Variants in FAM237B observed in about 807,000 individuals in gnomAD.
FAM237B encodes protein FAM237B.
Position 90,318,372 on chromosome 7 carries a change from A to G in FAM237B, c.*957T>C, listed in dbSNP as rs28947770. ...GTCTTTGTTTATTGTTCCTTTTTCA[A>G]AACAAAGACAATAAAAATGAGAACA... On this transcript the variant is annotated 3_prime_UTR_variant, in exon 3 of 3. Transcript: ENST00000692316. 14 of 152,228 alleles carry G rather than the reference A, an allele frequency of 9.2e-5. No homozygotes were observed. In the East Asian group the frequency reaches 2.7e-3, roughly 29 times the overall value. 9.4% of individuals were successfully genotyped at this position (152,228 alleles called of 1,614,324 possible). A position where few individuals can be genotyped will look rare whatever the true frequency, so the allele number is the denominator to read the frequency against.
Position 90,317,911 on chromosome 7 carries a change from G to A in FAM237B, c.*1418C>T, listed in dbSNP as rs531190880. 3.9e-5 allele frequency: 6 copies of A among 152,274 alleles called. No individual in the cohort carries two copies. The South Asian group carries it at 1.2e-3, about 32-fold the overall frequency. 9.4% of individuals were successfully genotyped at this position (152,274 alleles called of 1,614,324 possible). The stretch of plus-strand genomic sequence containing the variant: ...CTTGAAACCAGTGTTGTAAACCATG[G>A]TAGCCACTGTGAAAACCTATGGGTG... On this transcript the variant is annotated 3_prime_UTR_variant, in exon 3 of 3. Coordinates refer to ENST00000692316, the MANE Select transcript of FAM237B (RefSeq NM_001384237.2).
chr7:90,317,927 C>T lies in FAM237B; in HGVS notation c.*1402G>A, dbSNP rs979176006. On this transcript the variant is annotated 3_prime_UTR_variant, in exon 3 of 3. Coordinates refer to ENST00000692316, the MANE Select transcript of FAM237B (RefSeq NM_001384237.2). ...TAAACCATGGTAGCCACTGTGAAAACCTATGGGTGAGATTTTCATTGATTC... is the reference window on the plus strand; with the variant it reads ...TAAACCATGGTAGCCACTGTGAAAATCTATGGGTGAGATTTTCATTGATTC... 6.6e-6 allele frequency: 1 copy of T among 152,132 alleles called. No individual in the cohort carries two copies. Among genetic ancestry groups the T allele is most frequent in the African/African-American group, 2.4e-5 (1 of 41,438 alleles). The allele number at this position is 152,132 out of a possible 1,614,324, so 9.4% of individuals were successfully genotyped here.
chr7:90,319,280 G>GA lies in FAM237B; in HGVS notation c.*48dup, dbSNP rs757581476. ...AATTTGCTACCTTGTTGGATAACTT[G>GA]AAAAAAATCAGAAGAATTAAATAGT... On this transcript the variant is annotated 3_prime_UTR_variant, in exon 3 of 3. Transcript: ENST00000692316. 7.5e-6 allele frequency: 3 copies of GA among 397,586 alleles called. No individual in the cohort carries two copies. Among genetic ancestry groups the GA allele is most frequent in the East Asian group, 3.6e-5 (1 of 28,010 alleles). The allele number at this position is 397,586 out of a possible 1,614,324, so 24.6% of individuals were successfully genotyped here.
chr7:90,319,635 T>A lies in FAM237B; in HGVS notation c.114A>T (p.Pro38=). The change falls in exon 3 of 3, where the codon CCA becomes CCT. Residue 38 remains proline, a synonymous_variant. Coordinates refer to ENST00000692316, the MANE Select transcript of FAM237B (RefSeq NM_001384237.2). ...FQKGVLASIS[P]GITKDIDLQC... is the part of the protein sequence containing the mutation. ...GGAGATCAATGTCTTTGGTGATTCC[T>A]GGGCTGATGCTGGCAAGCACTCCTT... 1 of 398,650 alleles carries A rather than the reference T, an allele frequency of 2.5e-6. No individual in the cohort carries two copies. Among genetic ancestry groups the A allele is most frequent in the Admixed American group, 4.4e-5 (1 of 22,736 alleles). The allele number at this position is 398,650 out of a possible 1,614,324, so 24.7% of individuals were successfully genotyped here.
At position 90,320,674 on chromosome 7, in the gene FAM237B, G is replaced by A. The variant is rs994070033; in HGVS notation, c.-4+7C>T. ...AGAGGAGAACAGATCCAGAACACAG[G>A]ACTCACCTTTCCCCCCGTACACAGC... is the stretch of plus-strand genomic sequence containing the variant. On this transcript the variant is annotated splice_region_variant and intron_variant, in intron 2 of 2. Coordinates refer to ENST00000692316, the MANE Select transcript of FAM237B (RefSeq NM_001384237.2). The A allele has an allele frequency of 1.3e-5, 2 of 152,236 alleles. No individual in the cohort carries two copies. Among genetic ancestry groups the A allele is most frequent in the Non-Finnish European group, 2.9e-5 (2 of 68,112 alleles). 9.4% of individuals were successfully genotyped at this position (152,236 alleles called of 1,614,324 possible).
chr7:90,320,796 G>A (rs938819090), intron 1 of FAM237B, 69 bp from the exon 2 acceptor site: 3 of 152,246 alleles, frequency 2.0e-5, no homozygotes, highest in African/African-American at 7.2e-5. Context: ...GTCGAAAATT[G>A]TGCAAATTCC....
chr7:90,320,131 C>G (rs1406708633), intron 2 of FAM237B, among the ~76,000 whole-genome samples: 18 of 152,180 alleles, frequency 1.2e-4, no homozygotes, highest in Admixed American at 1.2e-3. Context: ...TCCAAGACTC[C>G]TACCTACCAC....
intron 2 of FAM237B, among the ~76,000 whole-genome samples, chr7:90,320,144 C>T (rs773472300): frequency 3.3e-5 from 5 of 152,202 alleles, no homozygotes; most frequent in Non-Finnish European, 7.3e-5. Context: ...CCTACCACAA[C>T]ACATTTCAAC....
intron 2 of FAM237B, among the ~76,000 whole-genome samples, chr7:90,320,138 CCACAA>C (rs1562943611): frequency 6.6e-6 from 1 of 152,192 alleles, no homozygotes; most frequent in East Asian, 1.9e-4. Flanking sequence ...CTCCTACCTA[CCACAA>C]CACATTTCAA....
chr7:90,316,813 A>G lies in FAM237B; in HGVS notation c.*2516T>C, dbSNP rs1462085497. 3 of 152,198 alleles carry G rather than the reference A, an allele frequency of 2.0e-5. No homozygotes were observed. Among genetic ancestry groups the G allele is most frequent in the Admixed American group, 2.0e-4 (3 of 15,284 alleles). 9.4% of individuals were successfully genotyped at this position (152,198 alleles called of 1,614,324 possible). A position where few individuals can be genotyped will look rare whatever the true frequency, so the allele number is the denominator to read the frequency against. ...GAACTAGAAAACCATTTTGCCATTA[A>G]CTGGAAGACTAATTTTATTGATTTA... On this transcript the variant is annotated 3_prime_UTR_variant, in exon 3 of 3. Transcript: ENST00000692316.
rs1795110286 is a variant in FAM237B at position 90,319,423 on chromosome 7, G to A, written c.326C>T (p.Ser109Phe). The A allele has an allele frequency of 2.5e-6, 1 of 398,454 alleles. No homozygotes were observed. Among genetic ancestry groups the A allele is most frequent in the South Asian group, 1.3e-4 (1 of 7,862 alleles). 24.7% of individuals were successfully genotyped at this position (398,454 alleles called of 1,614,324 possible). A position where few individuals can be genotyped will look rare whatever the true frequency, so the allele number is the denominator to read the frequency against. Residue 109 changes from serine (S) to phenylalanine (F), a missense_variant, in exon 3 of 3, where the codon TCT (serine) becomes TTT (phenylalanine). By Grantham distance (155) the Ser-to-Phe change is radical. Coordinates refer to ENST00000692316, the MANE Select transcript of FAM237B (RefSeq NM_001384237.2). ...CACCTGTCTTCTGCCCATTCCATGAGATCTTGAAAGCAAGCAGTCTACATA... is the reference window on the plus strand; with the variant it reads ...CACCTGTCTTCTGCCCATTCCATGAAATCTTGAAAGCAAGCAGTCTACATA... ...DMYVDCLLSRSHGMGRRQVMP... is the reference protein window; with the variant it reads ...DMYVDCLLSRFHGMGRRQVMP...
Position 90,317,520 on chromosome 7 carries a change from T to TTTTTTTTTTTTTTTTTTTTGAGACGG in FAM237B, c.*1808_*1809insCCGTCTCAAAAAAAAAAAAAAAAAAA, listed in dbSNP as rs1554390233. On this transcript the variant is annotated 3_prime_UTR_variant, in exon 3 of 3. Coordinates refer to ENST00000692316, the MANE Select transcript of FAM237B (RefSeq NM_001384237.2). ...AATTATTAGCCCTACAATCTTATAT[T>TTTTTTTTTTTTTTTTTTTTGAGACGG]ATCTGCTACTCATGCAAAATTGGTT... 6.6e-6 allele frequency: 1 copy of TTTTTTTTTTTTTTTTTTTTGAGACGG among 152,030 alleles called. No individual in the cohort carries two copies. The highest frequency in any genetic ancestry group is 1.5e-5 in the Non-Finnish European group (1 of 67,952). The allele number at this position is 152,030 out of a possible 1,614,324, so 9.4% of individuals were successfully genotyped here. A position where few individuals can be genotyped will look rare whatever the true frequency, so the allele number is the denominator to read the frequency against.
Position 90,317,786 on chromosome 7 carries a change from T to C in FAM237B, c.*1543A>G, listed in dbSNP as rs1794942495. 6.6e-6 allele frequency: 1 copy of C among 152,184 alleles called. No homozygotes were observed. Among genetic ancestry groups the C allele is most frequent in the Non-Finnish European group, 1.5e-5 (1 of 67,992 alleles). The allele number at this position is 152,184 out of a possible 1,614,324, so 9.4% of individuals were successfully genotyped here. On this transcript the variant is annotated 3_prime_UTR_variant, in exon 3 of 3. Transcript: ENST00000692316. ...GTCAAACCATCAGGCAGTTCGTTAC[T>C]TGTTCAGTATTATTTTAGCCGATTT...
At chr7:90,319,831 A>G (rs540533370) in intron 2 of FAM237B, 80 bp from the exon 3 acceptor site, 2 of 397,744 alleles carry the variant, frequency 5.0e-6, no homozygotes, top group South Asian at 2.8e-4. Context: ...AACTGTAAGT[A>G]CACATATATT....
rs1206887789 is a variant in FAM237B at position 90,317,630 on chromosome 7, C to T, written c.*1699G>A. ...GGGTTTATGCAGCCCCCTGAAATTACATGCAAAATGTAATTTTAAGAGTGT... is the reference window on the plus strand; with the variant it reads ...GGGTTTATGCAGCCCCCTGAAATTATATGCAAAATGTAATTTTAAGAGTGT... On this transcript the variant is annotated 3_prime_UTR_variant, in exon 3 of 3. Transcript: ENST00000692316. The T allele has an allele frequency of 1.3e-5, 2 of 152,032 alleles. No homozygotes were observed. The highest frequency in any genetic ancestry group is 4.8e-5 in the African/African-American group (2 of 41,404). 9.4% of individuals were successfully genotyped at this position (152,032 alleles called of 1,614,324 possible). A position where few individuals can be genotyped will look rare whatever the true frequency, so the allele number is the denominator to read the frequency against.
rs1330008198 is a variant in FAM237B at position 90,318,613 on chromosome 7, TCTAAAAA to T, written c.*709_*715del. On this transcript the variant is annotated 3_prime_UTR_variant, in exon 3 of 3. Coordinates refer to ENST00000692316, the MANE Select transcript of FAM237B (RefSeq NM_001384237.2). ...CAATTTTATTCCATTGACTATTGTA[TCTAAAAA>T]ATATATCACATTTGCCTTTTAACTG... 1.3e-5 allele frequency: 2 copies of T among 152,108 alleles called. No homozygotes were observed. The highest frequency in any genetic ancestry group is 1.3e-4 in the Admixed American group (2 of 15,272). 9.4% of individuals were successfully genotyped at this position (152,108 alleles called of 1,614,324 possible).
intron 2 of FAM237B, among the ~76,000 whole-genome samples, chr7:90,320,183 C>T (rs1584607343): frequency 6.6e-6 from 1 of 152,314 alleles, no homozygotes. Flanking sequence ...GTCCTTTCTA[C>T]ATGTAACATA....
In FAM237B at chr7:90,317,247, G is replaced by A. The variant is rs924015543; in HGVS notation, c.*2082C>T. Reference sequence around the variant, plus strand: ...CCTCTCAAATGAATCATCACTTTTCGATTAGAGCTAAACAGTAATAAAGTG... The same window carrying A: ...CCTCTCAAATGAATCATCACTTTTCAATTAGAGCTAAACAGTAATAAAGTG... On this transcript the variant is annotated 3_prime_UTR_variant, in exon 3 of 3. Transcript: ENST00000692316. The A allele has an allele frequency of 6.6e-6, 1 of 152,002 alleles. No individual in the cohort carries two copies. Among genetic ancestry groups the A allele is most frequent in the Non-Finnish European group, 1.5e-5 (1 of 67,966 alleles). 9.4% of individuals were successfully genotyped at this position (152,002 alleles called of 1,614,324 possible). A position where few individuals can be genotyped will look rare whatever the true frequency, so the allele number is the denominator to read the frequency against.
Position 90,318,418 on chromosome 7 carries a change from A to G in FAM237B, c.*911T>C, listed in dbSNP as rs1795015436. On this transcript the variant is annotated 3_prime_UTR_variant, in exon 3 of 3. Coordinates refer to ENST00000692316, the MANE Select transcript of FAM237B (RefSeq NM_001384237.2). ...GAACATAAAAAGGTTTTAGTCCTTA[A>G]TGCATAGAAAAATACTTTAATATAG... 1 of 152,198 alleles carries G rather than the reference A, an allele frequency of 6.6e-6. No homozygotes were observed. Among genetic ancestry groups the G allele is most frequent in the African/African-American group, 2.4e-5 (1 of 41,460 alleles). The allele number at this position is 152,198 out of a possible 1,614,324, so 9.4% of individuals were successfully genotyped here. A position where few individuals can be genotyped will look rare whatever the true frequency, so the allele number is the denominator to read the frequency against.
Sources: gnomAD v4.1 joint callset for allele counts (sites outside exome capture counted in the v4.1 genomes callset) on GRCh38, gnomAD v4.1.1 for gene constraint, MANE v1.5 for transcripts, NCBI Gene and HGNC (gene_info 2026-07-23, HGNC 2026-07-21) for gene names.